The following CDH5 variants were observed in gnomAD, a reference collection of about 807,000 sequenced individuals.
CDH5 encodes cadherin 5.
Under a neutral mutation model 62.0 loss-of-function variants are expected in CDH5, and 28 were observed. The observed-to-expected ratio is 0.45, with a 90% confidence interval of 0.33 to 0.62. The LOEUF is 0.62. Ranked by LOEUF, CDH5 falls within the 20% of genes least tolerant of loss-of-function variation. The pLI is 0.02. For missense variants in CDH5, 940 were observed against 1,065.1 expected, an observed-to-expected ratio of 0.88 and a Z score of 1.63; for synonymous variants, 464 against 445.8, an observed-to-expected ratio of 1.04 and a Z score of -0.52.
chr16:66,379,194 C>G, intron 1 of CDH5, 125 bp from the exon 2 acceptor site: 3 of 716,632 alleles, frequency 4.2e-6, no homozygotes, highest in Non-Finnish European at 7.2e-6. Context: ...TGTTAATTAC[C>G]CGCAGATTGT....
intron 10 of CDH5, among the ~76,000 whole-genome samples, chr16:66,400,310 T>C (rs1460003057): frequency 6.6e-6 from 1 of 152,260 alleles, no homozygotes; most frequent in African/African-American, 2.4e-5. Context: ...TTTTCAACAA[T>C]GTAACAATGG....
chr16:66,369,221 T>A (rs1182529662), intron 1 of CDH5, among the ~76,000 whole-genome samples: 1 of 151,958 alleles, frequency 6.6e-6, no homozygotes, highest in Admixed American at 6.6e-5. Context: ...GCCGGGCTGG[T>A]GGTGAATGAG....
At chr16:66,388,252 T>G in intron 3 of CDH5, 72 bp from the exon 4 acceptor site, 2 of 926,884 alleles carry the variant, frequency 2.2e-6, no homozygotes, top group Non-Finnish European at 3.6e-6. Context: ...GAGCCCCATC[T>G]GCTCTGTTCC....
Position 66,369,213 on chromosome 16 carries a change from C to T in CDH5, c.-20+2455C>T, listed in dbSNP as rs556737643. Among the ~76,000 whole-genome samples, 18 of 152,260 alleles carry T rather than the reference C, an allele frequency of 1.2e-4. No individual in the cohort carries two copies. The South Asian group carries it at 2.5e-3, about 21-fold the overall frequency. On this transcript the variant is annotated intron_variant, in intron 1 of 11. Transcript: ENST00000341529. ...GAGGAAGTGGGACCCAGGGGCAGGC[C>T]GGGCTGGTGGTGAATGAGATTTCCT... is the stretch of plus-strand genomic sequence containing the variant.
intron 7 of CDH5, chr16:66,392,846 A>T (rs113980903): frequency 0.016 from 2,701 of 164,240 alleles, 38 homozygotes; most frequent in South Asian, 0.038. Flanking sequence ...CCACTCTCAG[A>T]TAACTCATGT....
chr16:66,388,208 A>G, intron 3 of CDH5, 116 bp from the exon 4 acceptor site: 1 of 693,510 alleles, frequency 1.4e-6, no homozygotes, highest in Non-Finnish European at 2.5e-6. Flanking sequence ...TTTTATTCCC[A>G]GGACCTGGGG....
intron 1 of CDH5, among the ~76,000 whole-genome samples, chr16:66,367,515 G>T (rs1960609415): frequency 6.6e-6 from 1 of 152,216 alleles, no homozygotes; most frequent in South Asian, 2.1e-4. Flanking sequence ...GAAGCAGGAG[G>T]TCTGGGCCAA....
Position 66,402,809 on chromosome 16 carries a change from G to T in CDH5, c.1995G>T (p.Ser665=). ...TTSYDVSVLN[S]VRRGGAKPPR... ...GCTACGATGTGTCGGTGCTCAACTC[G>T]GTGCGCCGCGGCGGGGCCAAGCCCC... The change falls in exon 12 of 12, where the codon TCG becomes TCT. Residue 665 remains serine (S), a synonymous_variant. Coordinates refer to ENST00000341529, the MANE Select transcript of CDH5 (RefSeq NM_001795.5). The T allele has an allele frequency of 1.3e-6, 2 of 1,599,642 alleles. No individual in the cohort carries two copies. The highest frequency in any genetic ancestry group is 1.7e-6 in the Non-Finnish European group (2 of 1,174,046).
At chr16:66,391,315 G>C (rs1467747194) in intron 6 of CDH5, among the ~76,000 whole-genome samples, 2 of 152,108 alleles carry the variant, frequency 1.3e-5, no homozygotes, top group Non-Finnish European at 2.9e-5. Context: ...AGTACAGCCA[G>C]GTGTAAGTGA....
At chr16:66,377,171 C>T (rs1035566538) in intron 1 of CDH5, 1 of 152,292 alleles carries the variant, frequency 6.6e-6, no homozygotes, top group Admixed American at 6.5e-5. Flanking sequence ...TGCCGCCTCC[C>T]CTGAGTCAGG....
intron 7 of CDH5, chr16:66,392,612 G>A: frequency 1.8e-6 from 1 of 561,346 alleles, no homozygotes; most frequent in South Asian, 2.1e-5. Context: ...AGAGCTACTT[G>A]TCCTCTGTCC....
At chr16:66,389,587 C>T in intron 5 of CDH5, 65 bp downstream of exon 5, 1 of 1,357,662 alleles carries the variant, frequency 7.4e-7, no homozygotes, top group Non-Finnish European at 9.9e-7. Flanking sequence ...TGACTTGGGG[C>T]TCTGGGAAAA....
At position 66,392,183 on chromosome 16, in the gene CDH5, C is replaced by T. The variant is rs1961097157; in HGVS notation, c.1017C>T (p.Ala339=). Residue 339 remains alanine, a synonymous_variant, in exon 7 of 12, where the codon GCC becomes GCT. Coordinates refer to ENST00000341529, the MANE Select transcript of CDH5 (RefSeq NM_001795.5). Reference sequence around the variant, plus strand: ...AGCAATACAGCTTCATCGTCGAGGCCACAGACCCCACCATCGACCTCCGAT... The same window carrying T: ...AGCAATACAGCTTCATCGTCGAGGCTACAGACCCCACCATCGACCTCCGAT... ...YIQQYSFIVE[A]TDPTIDLRYM... 6.2e-7 allele frequency: 1 copy of T among 1,614,146 alleles called. No homozygotes were observed. Among genetic ancestry groups the T allele is most frequent in the Non-Finnish European group, 8.5e-7 (1 of 1,180,018 alleles).
At chr16:66,380,031 T>C (rs375752394) in intron 2 of CDH5, among the ~76,000 whole-genome samples, 39 of 2,480 alleles carry the variant, frequency 0.016, 2 homozygotes, top group Middle Eastern at 0.1. Context: ...GTGGTGATCA[T>C]GGTGATGGTG....
At position 66,396,304 on chromosome 16, in the gene CDH5, G is replaced by C. The variant is rs1961184737; in HGVS notation, c.1360+103G>C. ...TTTGGGGTCTCTAGACGTATTAGAA[G>C]TGCCTGCTGAAGCACCCGCTGGTTG... On this transcript the variant is annotated intron_variant, in intron 8 of 11. Transcript: ENST00000341529. 6.9e-6 allele frequency: 10 copies of C among 1,444,108 alleles called. No homozygotes were observed. In the South Asian group the frequency reaches 1.2e-4, roughly 17 times the overall value. 89.5% of individuals were successfully genotyped at this position (1,444,108 alleles called of 1,614,324 possible).
rs1175497514 is a variant in CDH5, at chr16:66,380,198, G to T, written c.210+651G>T. Among the ~76,000 whole-genome samples the T allele has an allele frequency of 7.5e-5, 8 of 106,392 alleles. No homozygotes were observed. The East Asian group carries it at 9.5e-4, about 13-fold the overall frequency. 69.8% of individuals were successfully genotyped at this position (106,392 alleles called of 152,430 possible). A position where few individuals can be genotyped will look rare whatever the true frequency, so the allele number is the denominator to read the frequency against. On this transcript the variant is annotated intron_variant, in intron 2 of 11. Coordinates refer to ENST00000341529, the MANE Select transcript of CDH5 (RefSeq NM_001795.5). Reference sequence around the variant, plus strand: ...GGTGGTGATGATAAAGGGGTAGGTGGTGGTGGTGATCATGGTGATGGTGGT... The same window carrying T: ...GGTGGTGATGATAAAGGGGTAGGTGTTGGTGGTGATCATGGTGATGGTGGT...
intron 2 of CDH5, among the ~76,000 whole-genome samples, chr16:66,381,454 G>A (rs1960896976): frequency 6.6e-6 from 1 of 152,246 alleles, no homozygotes; most frequent in African/African-American, 2.4e-5. Flanking sequence ...AATGGCCCTA[G>A]TAGTGGAATT....
chr16:66,395,040 T>TTTTTTTTC, intron 7 of CDH5, among the ~76,000 whole-genome samples: 1 of 97,796 alleles, frequency 1.0e-5, no homozygotes, highest in Non-Finnish European at 2.0e-5. Context: ...TTTTTTTTTT[T>TTTTTTTTC]TTTTTTTTTT....
intron 1 of CDH5, among the ~76,000 whole-genome samples, chr16:66,367,402 G>A (rs1424268461): frequency 6.6e-6 from 1 of 152,204 alleles, no homozygotes; most frequent in African/African-American, 2.4e-5. Context: ...ATGTGTCAAG[G>A]GAGCTGTAGT....
Sources: gnomAD v4.1 joint callset for allele counts (sites outside exome capture counted in the v4.1 genomes callset) on GRCh38, gnomAD v4.1.1 for gene constraint, MANE v1.5 for transcripts, NCBI Gene and HGNC (gene_info 2026-07-23, HGNC 2026-07-21) for gene names.